SLC44A2: variants seen among roughly 807,000 people sequenced by gnomAD.
SLC44A2 encodes solute carrier family 44 member 2 (CTL2 blood group), also known as choline transporter-like protein 2.
In SLC44A2, 57 loss-of-function variants were observed where a neutral mutation model predicts 90.8. The ratio of observed to expected loss-of-function variants is 0.63; its 90% CI spans 0.51 to 0.78. SLC44A2 has a LOEUF of 0.78. SLC44A2 is among the 30% of genes least tolerant of loss of function. The probability of loss-of-function intolerance (pLI) is 0.00; values close to 1 mark genes in which losing one functional copy is unlikely to be tolerated. For synonymous variants in SLC44A2, 355 were observed against 360.7 expected (o/e 0.98, Z 0.18); for missense variants, 794 against 919.7 (o/e 0.86, Z 1.77).
intron 4 of SLC44A2, among the ~76,000 whole-genome samples, chr19:10,630,379 G>A (rs1024532982): frequency 2.6e-4 from 39 of 152,042 alleles, no homozygotes; most frequent in Admixed American, 6.6e-4. Flanking sequence ...AAAAGAGGCC[G>A]GGCGCAGTGG....
chr19:10,618,813 A>T (rs953641081), intron 1 of SLC44A2, among the ~76,000 whole-genome samples: 50 of 151,998 alleles, frequency 3.3e-4, no homozygotes, highest in African/African-American at 1.1e-3. Flanking sequence ...AGCTCAGGCA[A>T]TCCGCCTGCT....
At position 10,632,214 on chromosome 19, in the gene SLC44A2, T is replaced by C. The variant is rs1034434779; in HGVS notation, c.823+58T>C. On this transcript the variant is annotated intron_variant, in intron 10 of 21. Transcript: ENST00000335757. ...CTGAATCCGCACACTGCCCTGCCCT[T>C]TCCCGTGGAAATGGCCCATCAGGAA... 58 of 1,494,862 alleles carry C rather than the reference T, an allele frequency of 3.9e-5. No individual in the cohort carries two copies. In the Admixed American group the frequency reaches 8.7e-4, roughly 22 times the overall value. The allele number at this position is 1,494,862 out of a possible 1,614,324, so 92.6% of individuals were successfully genotyped here.
rs374073323 is a variant in SLC44A2 at position 10,643,235 on chromosome 19, G to C, written c.2015-44G>C. On this transcript the variant is annotated intron_variant, in intron 21 of 21. Transcript: ENST00000335757. The stretch of plus-strand genomic sequence containing the variant: ...TACCCTGTCCTTGAGGCCCCTGCCC[G>C]TGGGCTCCCCTCATGCCTCCTGCTC... 527 of 1,579,990 alleles carry C rather than the reference G, an allele frequency of 3.3e-4. 7 individuals carry two copies. Among genetic ancestry groups the C allele is most frequent in the Non-Finnish European group, 4.6e-5 (53 of 1,162,238 alleles).
Position 10,636,439 on chromosome 19 carries a change from C to A in SLC44A2, c.1350C>A (p.Ala450=). The change falls in exon 15 of 22, where the codon GCC becomes GCA. Residue 450 remains alanine (A), a synonymous_variant. Coordinates refer to ENST00000335757, the MANE Select transcript of SLC44A2 (RefSeq NM_020428.4). ...TGCTGGGCCTGCAGATCTTCAATGCCTTCATGTTCTTCTGGTTGGCCAACT... is the reference window on the plus strand; with the variant it reads ...TGCTGGGCCTGCAGATCTTCAATGCATTCATGTTCTTCTGGTTGGCCAACT... ...RALLGLQIFN[A]FMFFWLANFV... 6.2e-7 allele frequency: 1 copy of A among 1,614,076 alleles called. No homozygotes were observed. Among genetic ancestry groups the A allele is most frequent in the South Asian group, 1.1e-5 (1 of 91,086 alleles).
At chr19:10,628,787 CT>C (rs1187612800) in intron 4 of SLC44A2, among the ~76,000 whole-genome samples, 1 of 152,124 alleles carries the variant, frequency 6.6e-6, no homozygotes, top group Non-Finnish European at 1.5e-5. Flanking sequence ...CACTTCCTGG[CT>C]CTGTGACCTA....
intron 21 of SLC44A2, 98 bp downstream of exon 21, chr19:10,642,549 C>G: frequency 1.8e-6 from 2 of 1,112,490 alleles, no homozygotes; most frequent in Middle Eastern, 2.0e-4. Flanking sequence ...CTTGCCTGCC[C>G]CCAGCTTCCC....
intron 1 of SLC44A2, among the ~76,000 whole-genome samples, chr19:10,616,291 G>T (rs927966810): frequency 6.6e-6 from 1 of 151,990 alleles, no homozygotes; most frequent in Non-Finnish European, 1.5e-5. Context: ...AGTGCAGTGG[G>T]GCAATCTGAG....
At chr19:10,634,137 A>ATTTTTTT (rs1177075276) in intron 10 of SLC44A2, among the ~76,000 whole-genome samples, 63 of 80,294 alleles carry the variant, frequency 7.8e-4, no homozygotes, top group Middle Eastern at 0.011. Flanking sequence ...CGCCCAGCTA[A>ATTTTTTT]TTTTTTTTTT....
chr19:10,607,501 C>T (rs58823451), intron 1 of SLC44A2, among the ~76,000 whole-genome samples: 1,829 of 148,912 alleles, frequency 0.012, 32 homozygotes, highest in African/African-American at 0.043. Context: ...CGGGTGTGTG[C>T]CGTGATACTC....
At chr19:10,610,527 G>T (rs1918263388) in intron 1 of SLC44A2, among the ~76,000 whole-genome samples, 1 of 149,334 alleles carries the variant, frequency 6.7e-6, no homozygotes, top group African/African-American at 2.5e-5. Context: ...GTAGAAACGG[G>T]GTTTCACTGT....
upstream of SLC44A2, chr19:10,625,437 C>T (rs957194357): frequency 1.7e-6 from 2 of 1,207,722 alleles, no homozygotes; most frequent in Non-Finnish European, 2.1e-6. Context: ...TGCAGCCCCG[C>T]CCGCGCCCTC....
chr19:10,618,355 T>C (rs576560452), intron 1 of SLC44A2, among the ~76,000 whole-genome samples: 1 of 151,426 alleles, frequency 6.6e-6, no homozygotes, highest in South Asian at 2.1e-4. Flanking sequence ...TTTGTATTTT[T>C]AGTAGAGATG....
intron 1 of SLC44A2, 66 bp from the exon 2 acceptor site, chr19:10,626,187 G>T: frequency 2.3e-6 from 3 of 1,315,078 alleles, no homozygotes; most frequent in Non-Finnish European, 3.3e-6. Flanking sequence ...TTTGGGAGGG[G>T]GCTCTCCCAG....
Position 10,634,808 on chromosome 19 carries a change from T to G in SLC44A2, c.876T>G (p.Ser292=). 1 of 1,614,194 alleles carries G rather than the reference T, an allele frequency of 6.2e-7. No homozygotes were observed. Among genetic ancestry groups the G allele is most frequent in the South Asian group, 1.1e-5 (1 of 91,090 alleles). Residue 292 remains serine (S), a synonymous_variant, in exon 11 of 22, where the codon TCT becomes TCG. Transcript: ENST00000335757. Reference sequence around the variant, plus strand: ...CCCGACTGCGTGGTGAGGCCGGCTCTGATGTCTCTTTGGTGGACCTCGGCT... The same window carrying G: ...CCCGACTGCGTGGTGAGGCCGGCTCGGATGTCTCTTTGGTGGACCTCGGCT... The part of the protein sequence containing the change: ...EYSRLRGEAG[S]DVSLVDLGFQ...
At chr19:10,616,406 T>G (rs777211291) in intron 1 of SLC44A2, among the ~76,000 whole-genome samples, 5 of 151,468 alleles carry the variant, frequency 3.3e-5, no homozygotes, top group Non-Finnish European at 4.4e-5. Context: ...AATTTTTGTT[T>G]TTTTGTTTTG....
At chr19:10,638,118 C>T (rs1166050930) in intron 19 of SLC44A2, 25 bp downstream of exon 19, 45 of 1,613,764 alleles carry the variant, frequency 2.8e-5, no homozygotes, top group Non-Finnish European at 3.7e-5. Flanking sequence ...CCTAGCCTCT[C>T]GGGGTGTGGG....
chr19:10,631,190 T>C, intron 5 of SLC44A2, 49 bp downstream of exon 5: 1 of 1,602,492 alleles, frequency 6.2e-7, no homozygotes, highest in Non-Finnish European at 8.5e-7. Flanking sequence ...CTTCCCATCC[T>C]TTTCCCCCTG....
At chr19:10,639,739 G>A (rs1871533468) in intron 20 of SLC44A2, among the ~76,000 whole-genome samples, 1 of 152,162 alleles carries the variant, frequency 6.6e-6, no homozygotes, top group South Asian at 2.1e-4. Flanking sequence ...AAATTAGCGG[G>A]GCGTGGTTGT....
intron 2 of SLC44A2, among the ~76,000 whole-genome samples, 195 bp downstream of exon 2, chr19:10,626,496 C>T (rs1429716074): frequency 6.6e-6 from 1 of 151,750 alleles, no homozygotes; most frequent in East Asian, 1.9e-4. Flanking sequence ...TCACTGCAAC[C>T]TTCGCCTCCC....
Sources: gnomAD v4.1 joint callset for allele counts (sites outside exome capture counted in the v4.1 genomes callset) on GRCh38, gnomAD v4.1.1 for gene constraint, MANE v1.5 for transcripts, NCBI Gene and HGNC (gene_info 2026-07-23, HGNC 2026-07-21) for gene names.